The following EGFLAM variants were observed in gnomAD, a reference collection of about 807,000 sequenced individuals.
EGFLAM encodes the protein pikachurin.
Under a neutral mutation model 113.1 loss-of-function variants are expected in EGFLAM, and 79 were observed. The ratio of observed to expected loss-of-function variants is 0.70; its 90% CI spans 0.58 to 0.84. The LOEUF (loss-of-function observed/expected upper bound fraction) is 0.84. Among genes scored for constraint, EGFLAM ranks in the 40% least tolerant of loss-of-function variants. EGFLAM has a pLI of 0.00. For synonymous variants in EGFLAM, 504 were observed against 487.6 expected, an observed-to-expected ratio of 1.03 and a Z score of -0.44; for missense variants, 1,265 against 1,291.6, an observed-to-expected ratio of 0.98 and a Z score of 0.32.
chr5:38,261,168 A>T (rs940021583), intron 1 of EGFLAM, among the ~76,000 whole-genome samples: 1 of 152,206 alleles, frequency 6.6e-6, no homozygotes, highest in Non-Finnish European at 1.5e-5. Context: ...ACCTCTGGTG[A>T]GAAAAAACTG....
At chr5:38,412,709 AG>A (rs1741524272) in intron 11 of EGFLAM, 61 bp downstream of exon 11, 1 of 1,583,386 alleles carries the variant, frequency 6.3e-7, no homozygotes, top group Admixed American at 1.8e-5. Flanking sequence ...TCTCCTGAGA[AG>A]GGCTTACTGC....
At chr5:38,269,930 C>T (rs564845818) in intron 1 of EGFLAM, among the ~76,000 whole-genome samples, 1 of 152,276 alleles carries the variant, frequency 6.6e-6, no homozygotes, top group Non-Finnish European at 1.5e-5. Context: ...AGCCTCTAGC[C>T]CTTGTTGCTT....
chr5:38,407,934 C>T (rs1741346441), intron 9 of EGFLAM, 29 bp downstream of exon 9: 1 of 1,522,492 alleles, frequency 6.6e-7, no homozygotes, highest in Admixed American at 1.7e-5. Context: ...TTGATGAGTG[C>T]TTTTTGGACA....
At chr5:38,294,386 G>A (rs1758405079) in intron 1 of EGFLAM, among the ~76,000 whole-genome samples, 1 of 152,150 alleles carries the variant, frequency 6.6e-6, no homozygotes, top group African/African-American at 2.4e-5. Flanking sequence ...TTACTATGAA[G>A]CCAAAGCAAA....
At chr5:38,327,277 G>A (rs1050560313) in intron 1 of EGFLAM, among the ~76,000 whole-genome samples, 12 of 152,096 alleles carry the variant, frequency 7.9e-5, no homozygotes, top group African/African-American at 2.7e-4. Context: ...GTGTTATTTC[G>A]CAGATTTCCT....
intron 10 of EGFLAM, among the ~76,000 whole-genome samples, chr5:38,409,970 G>C (rs1016867121): frequency 3.3e-5 from 5 of 152,092 alleles, no homozygotes; most frequent in African/African-American, 1.2e-4. Flanking sequence ...GTCCTTCTCC[G>C]TGGCGCACTG....
intron 5 of EGFLAM, among the ~76,000 whole-genome samples, chr5:38,357,539 A>C (rs1173574327): frequency 1.3e-5 from 2 of 152,118 alleles, no homozygotes; most frequent in African/African-American, 2.4e-5. Flanking sequence ...TTTAATAGTG[A>C]ATTCCTTTTT....
intron 1 of EGFLAM, among the ~76,000 whole-genome samples, chr5:38,318,102 G>A (rs1321164720): frequency 3.9e-5 from 6 of 152,088 alleles, no homozygotes; most frequent in African/African-American, 1.2e-4. Context: ...TGCTCCCCTC[G>A]CCTGGGTAAA....
intron 10 of EGFLAM, among the ~76,000 whole-genome samples, chr5:38,411,398 A>G (rs979998606): frequency 6.6e-6 from 1 of 152,058 alleles, no homozygotes; most frequent in Admixed American, 6.5e-5. Context: ...ACTGGACTCC[A>G]GCCTGGGCAA....
chr5:38,456,850 A>G (rs1288128271), intron 19 of EGFLAM, among the ~76,000 whole-genome samples: 1 of 152,220 alleles, frequency 6.6e-6, no homozygotes, highest in Non-Finnish European at 1.5e-5. Context: ...GGTGGAACAT[A>G]CTTCCCTTCA....
At chr5:38,378,151 T>C (rs896163177) in intron 6 of EGFLAM, among the ~76,000 whole-genome samples, 1 of 152,202 alleles carries the variant, frequency 6.6e-6, no homozygotes, top group African/African-American at 2.4e-5. Context: ...ATCAGATTTC[T>C]ACAATAAATC....
At chr5:38,298,860 C>G (rs1220864171) in intron 1 of EGFLAM, among the ~76,000 whole-genome samples, 2 of 151,974 alleles carry the variant, frequency 1.3e-5, no homozygotes, top group Non-Finnish European at 2.9e-5. Context: ...ACCACCATGC[C>G]CAGCTAATTT....
chr5:38,416,388 G>T (rs948089404), intron 11 of EGFLAM, among the ~76,000 whole-genome samples: 2 of 152,198 alleles, frequency 1.3e-5, no homozygotes, highest in Non-Finnish European at 2.9e-5. Context: ...GCTTCTGCCT[G>T]ATCCAGTAGA....
In EGFLAM at chr5:38,458,814, C is replaced by G. The variant is rs574583480; in HGVS notation, c.2771+420C>G. 3.0e-4 allele frequency among the ~76,000 whole-genome samples: 45 copies of G among 152,080 alleles called. 1 individual carries two copies. In the South Asian group the frequency reaches 9.2e-3, roughly 31 times the overall value. On this transcript the variant is annotated intron_variant, in intron 20 of 21. Transcript: ENST00000322350. ...TGAGTTACATGGCGAAACCCTGTCTCTACAAAAAATACAAAAATTGGCTGG... is the reference window on the plus strand; with the variant it reads ...TGAGTTACATGGCGAAACCCTGTCTGTACAAAAAATACAAAAATTGGCTGG...
At chr5:38,412,753 T>C in intron 11 of EGFLAM, 105 bp downstream of exon 11, 2 of 1,466,514 alleles carry the variant, frequency 1.4e-6, no homozygotes, top group Non-Finnish European at 1.8e-6. Context: ...AGGATTCAAG[T>C]TCTGGATGGG....
rs1466397619 is a variant in EGFLAM, at chr5:38,446,308, G to T, written c.2465-1993G>T. 2.0e-5 allele frequency among the ~76,000 whole-genome samples: 3 copies of T among 151,724 alleles called. No homozygotes were observed. The East Asian group carries it at 5.8e-4, about 29-fold the overall frequency. ...CTATTCCCTCCCCTCCTTTTCCGGC[G>T]CCGCCTTCTTTCCTTTTCTGTTTCC... On this transcript the variant is annotated intron_variant, in intron 17 of 21. Coordinates refer to ENST00000322350, the MANE Select transcript of EGFLAM (RefSeq NM_152403.4).
intron 6 of EGFLAM, among the ~76,000 whole-genome samples, chr5:38,395,003 C>T (rs540743020): frequency 1.3e-5 from 2 of 151,996 alleles, no homozygotes; most frequent in East Asian, 1.9e-4. Flanking sequence ...TGCAGTGGCA[C>T]GATCTCGGCT....
intron 1 of EGFLAM, among the ~76,000 whole-genome samples, chr5:38,320,554 G>A (rs1217672745): frequency 6.6e-6 from 1 of 152,126 alleles, no homozygotes; most frequent in Non-Finnish European, 1.5e-5. Context: ...GTTTCTCCTT[G>A]AGGTGGGAGG....
chr5:38,305,010 G>A (rs1758688507), intron 1 of EGFLAM, among the ~76,000 whole-genome samples: 2 of 151,900 alleles, frequency 1.3e-5, no homozygotes, highest in Non-Finnish European at 2.9e-5. Context: ...GAAATCTTTT[G>A]GAAAGTAGAA....
Sources: allele counts gnomAD v4.1 joint callset (sites outside exome capture counted in the v4.1 genomes callset), GRCh38; gene constraint gnomAD v4.1.1; transcripts MANE v1.5; gene names NCBI Gene and HGNC (gene_info 2026-07-23, HGNC 2026-07-21).